Variants in KANK1 observed in about 807,000 individuals in gnomAD.
KANK1 encodes KN motif and ankyrin repeat domains 1, also known as KN motif and ankyrin repeat domain-containing protein 1.
Under a neutral mutation model 106.2 loss-of-function variants are expected in KANK1, and 109 were observed. The observed-to-expected ratio is 1.03, with a 90% CI of 0.88 to 1.20. The LOEUF (loss-of-function observed/expected upper bound fraction) is 1.20. KANK1 is among the 50% of genes most tolerant of loss of function. KANK1 has a pLI of 0.00. For missense variants in KANK1, 2,399 were observed against 1,710.7 expected (o/e 1.40, Z -7.10); for synonymous variants, 873 against 652.2 (o/e 1.34, Z -5.16).
chr9:530,953 C>T (rs971870940), intron 1 of KANK1, among the ~76,000 whole-genome samples: 1 of 152,034 alleles, frequency 6.6e-6, no homozygotes, highest in Non-Finnish European at 1.5e-5. Context: ...GAGACAACAT[C>T]TCAATAAAAT....
chr9:696,188 G>A (rs1219388563), intron 2 of KANK1, among the ~76,000 whole-genome samples: 1 of 151,970 alleles, frequency 6.6e-6, no homozygotes, highest in Non-Finnish European at 1.5e-5. Flanking sequence ...GGAGGCTGAG[G>A]CAGGAGAATG....
intron 2 of KANK1, among the ~76,000 whole-genome samples, chr9:701,723 G>A (rs1049313977): frequency 6.6e-6 from 1 of 152,174 alleles, no homozygotes; most frequent in African/African-American, 2.4e-5. Context: ...ACCTCCAGTT[G>A]AGAATCACTG....
At position 711,889 on chromosome 9, in the gene KANK1, C is replaced by G. The variant is rs942253752; in HGVS notation, c.1123C>G (p.Gln375Glu). The change falls in exon 3 of 12, where the codon CAA becomes GAA. Residue 375 changes from glutamine (Q) to glutamate (E), a missense_variant. Gln to Glu is a conservative substitution (Grantham distance 29). Transcript: ENST00000382297. The stretch of plus-strand genomic sequence containing the variant: ...GTTCCGGCAACTTACAGCAGACATG[C>G]AAGCCCTGGAGCAGAAGATCCAGGA... ...KEFRQLTADM[Q>E]ALEQKIQDSS... The G allele has an allele frequency of 3.7e-6, 6 of 1,614,036 alleles. No individual in the cohort carries two copies. The African/African-American group carries it at 5.3e-5, about 14-fold the overall frequency.
At chr9:563,444 T>A (rs1351543731) in intron 1 of KANK1, among the ~76,000 whole-genome samples, 1 of 152,230 alleles carries the variant, frequency 6.6e-6, no homozygotes, top group Non-Finnish European at 1.5e-5. Flanking sequence ...ATAAACATGC[T>A]GTTTTATTTG....
chr9:713,364 C>T lies in KANK1; in HGVS notation c.2598C>T (p.Leu866=). The change falls in exon 3 of 12, where the codon CTC becomes CTT. Residue 866 remains leucine (L), a synonymous_variant. Coordinates refer to ENST00000382297, the MANE Select transcript of KANK1 (RefSeq NM_015158.5). ...AGATGGGCTCCCTCAACTCTCAGCT[C>T]ATCAGCACCCTGTCGTCTATCAACT... ...HSQMGSLNSQ[L]ISTLSSINSV... The T allele has an allele frequency of 6.2e-7, 1 of 1,614,184 alleles. No homozygotes were observed. The highest frequency in any genetic ancestry group is 8.5e-7 in the Non-Finnish European group (1 of 1,180,016).
At chr9:638,084 G>T (rs184432434) in intron 1 of KANK1, among the ~76,000 whole-genome samples, 1 of 152,314 alleles carries the variant, frequency 6.6e-6, no homozygotes, top group East Asian at 1.9e-4. Flanking sequence ...AGCTTATGCA[G>T]TATCAGTAAC....
chr9:557,039 C>T (rs971324199), intron 1 of KANK1, among the ~76,000 whole-genome samples: 2 of 151,876 alleles, frequency 1.3e-5, no homozygotes, highest in Non-Finnish European at 1.5e-5. Flanking sequence ...AATTTCTGGG[C>T]GAGTGTAGTG....
At chr9:729,966 T>G (rs560804678) in intron 3 of KANK1, 85 bp from the exon 4 acceptor site, 7 of 1,144,812 alleles carry the variant, frequency 6.1e-6, no homozygotes, top group African/African-American at 2.1e-5. Flanking sequence ...CCATTTTAAA[T>G]TATGAGTGGC....
intron 1 of KANK1, among the ~76,000 whole-genome samples, chr9:524,962 C>G (rs1433890670): frequency 6.9e-6 from 1 of 145,094 alleles, no homozygotes; most frequent in East Asian, 2.0e-4. Flanking sequence ...TTTGGTTAGT[C>G]AATCCCAAAC....
chr9:639,290 T>TG lies in KANK1; in HGVS notation c.-83-37598dup, dbSNP rs1190990215. 3.9e-5 allele frequency among the ~76,000 whole-genome samples: 6 copies of TG among 152,256 alleles called. No homozygotes were observed. The East Asian group carries it at 9.6e-4, about 24-fold the overall frequency. ...GGCAAGAGTTCACTTTCTTTTCACA[T>TG]GGAGATTTGATCTTTGATTATTTTA... On this transcript the variant is annotated intron_variant, in intron 1 of 11. Coordinates refer to ENST00000382297, the MANE Select transcript of KANK1 (RefSeq NM_015158.5).
chr9:606,167 ACACACAC>A (rs1829070528), intron 1 of KANK1, among the ~76,000 whole-genome samples: 3 of 151,032 alleles, frequency 2.0e-5, no homozygotes, highest in African/African-American at 7.4e-5. Context: ...ACACACACAC[ACACACAC>A]ACACACACCA....
chr9:501,722 T>C (rs2058556921), upstream of KANK1, among the ~76,000 whole-genome samples: 1 of 140,008 alleles, frequency 7.1e-6, no homozygotes, highest in African/African-American at 3.3e-5. Flanking sequence ...TTGTTACTTT[T>C]TAAAAAAATA....
chr9:687,607 G>T (rs1482666754), intron 2 of KANK1, among the ~76,000 whole-genome samples: 1 of 151,762 alleles, frequency 6.6e-6, no homozygotes, highest in Non-Finnish European at 1.5e-5. Flanking sequence ...GCCCCACCCT[G>T]CCCTGTTCCC....
intron 1 of KANK1, among the ~76,000 whole-genome samples, chr9:663,506 T>C (rs1485680336): frequency 6.6e-6 from 1 of 152,206 alleles, no homozygotes; most frequent in Non-Finnish European, 1.5e-5. Flanking sequence ...GGAAGAAACA[T>C]AAAGTTGGTT....
chr9:599,415 G>A (rs539939187), intron 1 of KANK1, among the ~76,000 whole-genome samples: 1 of 151,876 alleles, frequency 6.6e-6, no homozygotes, highest in South Asian at 2.1e-4. Flanking sequence ...CTGTAGAGTG[G>A]TCTCTGTTAA....
At chr9:542,612 C>T (rs1302231267) in intron 1 of KANK1, among the ~76,000 whole-genome samples, 1 of 152,116 alleles carries the variant, frequency 6.6e-6, no homozygotes, top group African/African-American at 2.4e-5. Flanking sequence ...CTGTGTCCCT[C>T]GCAGCATGAT....
Position 743,991 on chromosome 9 carries a change from C to T in KANK1, c.3898-500C>T, listed in dbSNP as rs998845120. Among the ~76,000 whole-genome samples, 11 of 152,188 alleles carry T rather than the reference C, an allele frequency of 7.2e-5. No homozygotes were observed. The East Asian group carries it at 2.1e-3, about 29-fold the overall frequency. ...TTTTCACCCATATGTAGTGTTTCCC[C>T]TCTTATTTCCAGAAGTTGGATCTGT... On this transcript the variant is annotated intron_variant, in intron 10 of 11. Transcript: ENST00000382297.
At chr9:731,016 C>A (rs951439290) in intron 4 of KANK1, 142 bp from the exon 5 acceptor site, 6 of 459,326 alleles carry the variant, frequency 1.3e-5, no homozygotes, top group African/African-American at 1.2e-4. Context: ...ACACACTTTC[C>A]CATTGAATTT....
intron 1 of KANK1, among the ~76,000 whole-genome samples, chr9:566,602 A>G (rs1381807022): frequency 2.0e-5 from 3 of 152,164 alleles, no homozygotes; most frequent in Admixed American, 1.3e-4. Flanking sequence ...CGTTTCTCTA[A>G]TGATCGGTAA....
Sources: allele counts gnomAD v4.1 joint callset (sites outside exome capture counted in the v4.1 genomes callset), GRCh38; gene constraint gnomAD v4.1.1; transcripts MANE v1.5; gene names NCBI Gene and HGNC (gene_info 2026-07-23, HGNC 2026-07-21).